The following ARB2A variants were observed in gnomAD, a reference collection of about 807,000 sequenced individuals.
ARB2A encodes the protein cotranscriptional regulator ARB2A.
At chr5:94,108,820 G>A in the ARB2A span, among the ~76,000 whole-genome samples, 1 of 152,150 alleles carries the variant, frequency 6.6e-6, no homozygotes, top group Non-Finnish European at 1.5e-5. Flanking sequence ...GTAAAATGAG[G>A]TGGCTGCTGT....
At chr5:93,954,707 C>T in the ARB2A span, among the ~76,000 whole-genome samples, 1 of 152,160 alleles carries the variant, frequency 6.6e-6, no homozygotes, top group African/African-American at 2.4e-5. Flanking sequence ...ACAGCAAGCA[C>T]AGCACAGCAC....
chr5:93,818,678 G>C, the ARB2A span, among the ~76,000 whole-genome samples: 1 of 152,052 alleles, frequency 6.6e-6, no homozygotes, highest in Non-Finnish European at 1.5e-5. Context: ...TTATTGAAAA[G>C]ACTATACCTA....
At chr5:94,090,240 C>T in the ARB2A span, among the ~76,000 whole-genome samples, 3 of 152,166 alleles carry the variant, frequency 2.0e-5, no homozygotes, top group Non-Finnish European at 4.4e-5. Flanking sequence ...AAGTCCTTCA[C>T]ATCCCTTGTA....
the ARB2A span, chr5:93,683,582 T>C: frequency 6.9e-7 from 1 of 1,455,524 alleles, no homozygotes; most frequent in Non-Finnish European, 9.5e-7. Flanking sequence ...AAACTGGCCG[T>C]TCTTAAGGAT....
the ARB2A span, among the ~76,000 whole-genome samples, chr5:93,793,239 A>ATTTTTTT: frequency 0.45 from 28,809 of 63,348 alleles, 7,626 homozygotes; most frequent in South Asian, 0.62. Flanking sequence ...CTTCTGGCTA[A>ATTTTTTT]TTTTTTTTTT....
At chr5:94,050,252 CTTTTTTT>C in the ARB2A span, among the ~76,000 whole-genome samples, 12 of 132,618 alleles carry the variant, frequency 9.0e-5, no homozygotes, top group Admixed American at 1.5e-4. Flanking sequence ...AAAACAGAAA[CTTTTTTT>C]TTTTTTTTTT....
the ARB2A span, among the ~76,000 whole-genome samples, chr5:93,647,853 T>C: frequency 6.6e-6 from 1 of 152,048 alleles, no homozygotes; most frequent in East Asian, 1.9e-4. Context: ...TGATTAAGAT[T>C]TAATAGATGC....
the ARB2A span, among the ~76,000 whole-genome samples, chr5:93,947,563 T>C: frequency 6.6e-6 from 1 of 151,356 alleles, no homozygotes; most frequent in Non-Finnish European, 1.5e-5. Flanking sequence ...ATGTGCACAA[T>C]GTGCAGGTTA....
chr5:94,086,024 G>T, the ARB2A span, among the ~76,000 whole-genome samples: 103 of 152,312 alleles, frequency 6.8e-4, 1 homozygote, highest in African/African-American at 2.1e-3. Context: ...GGAAAGAACA[G>T]AAGGCATGAG....
the ARB2A span, among the ~76,000 whole-genome samples, chr5:93,970,768 T>C: frequency 6.6e-6 from 1 of 152,198 alleles, no homozygotes; most frequent in African/African-American, 2.4e-5. Context: ...ATATCATGTT[T>C]ACATTAAATG....
chr5:93,869,165 T>A, the ARB2A span, among the ~76,000 whole-genome samples: 1 of 152,184 alleles, frequency 6.6e-6, no homozygotes, highest in Non-Finnish European at 1.5e-5. Context: ...ACTAGCGTGA[T>A]GATTACACAA....
the ARB2A span, among the ~76,000 whole-genome samples, chr5:93,889,560 T>A: frequency 6.6e-6 from 1 of 151,844 alleles, no homozygotes; most frequent in Non-Finnish European, 1.5e-5. Context: ...TGTCACTGGG[T>A]CAAACAGCTG....
chr5:93,839,057 C>A, the ARB2A span, among the ~76,000 whole-genome samples: 4 of 152,116 alleles, frequency 2.6e-5, no homozygotes, highest in Non-Finnish European at 5.9e-5. Context: ...ATTACTCTGG[C>A]CAGGACTTCC....
At chr5:94,050,295 C>T in the ARB2A span, among the ~76,000 whole-genome samples, 1 of 146,720 alleles carries the variant, frequency 6.8e-6, no homozygotes, top group Non-Finnish European at 1.5e-5. Flanking sequence ...TGCTCTGTCA[C>T]CCAGGCTGGA....
chr5:93,686,334 G>A, the ARB2A span, among the ~76,000 whole-genome samples: 13 of 152,060 alleles, frequency 8.5e-5, no homozygotes, highest in Non-Finnish European at 1.5e-4. Flanking sequence ...ACCTATCCAA[G>A]GGTCTGACTG....
the ARB2A span, chr5:93,620,287 G>C: frequency 6.6e-6 from 1 of 151,426 alleles, no homozygotes; most frequent in South Asian, 2.1e-4. Context: ...ACAATTAGCT[G>C]GCAAAAGGAT....
chr5:93,899,180 A>G, the ARB2A span, among the ~76,000 whole-genome samples: 3 of 152,238 alleles, frequency 2.0e-5, no homozygotes, highest in East Asian at 5.8e-4. Context: ...TGTAATGACC[A>G]TATGTCACCC....
the ARB2A span, among the ~76,000 whole-genome samples, chr5:94,042,678 G>C: frequency 6.6e-6 from 1 of 152,122 alleles, no homozygotes; most frequent in Non-Finnish European, 1.5e-5. Context: ...TTATGGTCAA[G>C]CATTAAAATT....
At chr5:94,106,528 G>A in the ARB2A span, among the ~76,000 whole-genome samples, 2 of 152,048 alleles carry the variant, frequency 1.3e-5, no homozygotes, top group African/African-American at 2.4e-5. Context: ...GTGGTGGGGG[G>A]AATGTAAATT....
Sources: allele counts gnomAD v4.1 joint callset (sites outside exome capture counted in the v4.1 genomes callset), GRCh38; gene constraint gnomAD v4.1.1; transcripts MANE v1.5; gene names NCBI Gene and HGNC (gene_info 2026-07-23, HGNC 2026-07-21).